The following FREM2 variants were observed in gnomAD, a reference collection of about 807,000 sequenced individuals.
The protein encoded by FREM2 is FRAS1-related extracellular matrix protein 2.
A neutral mutation model predicts 219.9 loss-of-function variants in FREM2; 119 were observed. The ratio of observed to expected loss-of-function variants is 0.54; its 90% confidence interval spans 0.47 to 0.63. The LOEUF (loss-of-function observed/expected upper bound fraction) is 0.63, where lower values mean the gene tolerates loss of function less well. Ranked by LOEUF, FREM2 falls within the 30% of genes least tolerant of loss-of-function variation. The pLI, the probability that FREM2 is intolerant of heterozygous loss-of-function variation, is 0.00. For synonymous variants in FREM2, 1,562 were observed against 1,522.8 expected, an observed-to-expected ratio of 1.03 and a Z score of -0.60; for missense variants, 4,030 against 3,993.6, an observed-to-expected ratio of 1.01 and a Z score of -0.25.
In FREM2 at chr13:38,809,129, G is replaced by A. The variant is rs987532232; in HGVS notation, c.6019+24321G>A. Among the ~76,000 whole-genome samples the A allele has an allele frequency of 7.3e-5, 11 of 150,622 alleles. No individual in the cohort carries two copies. In the East Asian group the frequency reaches 2.3e-3, roughly 31 times the overall value. Reference sequence around the variant, plus strand: ...TTTGACGGATTATCTTAAAAGCCTTGTCTTCAAGTTCAGAAATTCTTCTGC... The same window carrying A: ...TTTGACGGATTATCTTAAAAGCCTTATCTTCAAGTTCAGAAATTCTTCTGC... On this transcript the variant is annotated intron_variant, in intron 6 of 23. Coordinates refer to ENST00000280481, the MANE Select transcript of FREM2 (RefSeq NM_207361.6).
intron 2 of FREM2, among the ~76,000 whole-genome samples, chr13:38,739,172 A>AATC (rs749025603): frequency 1.8e-4 from 27 of 152,262 alleles, no homozygotes; most frequent in Non-Finnish European, 3.2e-4. Context: ...TCATTGTCAT[A>AATC]ATCATCATCA....
chr13:38,828,328 A>G (rs1005107818), intron 6 of FREM2, among the ~76,000 whole-genome samples: 94 of 152,324 alleles, frequency 6.2e-4, no homozygotes, highest in African/African-American at 2.2e-3. Context: ...AGAACAGTTC[A>G]GGTACACTGA....
At position 38,688,167 on chromosome 13, in the gene FREM2, C is replaced by T; in HGVS notation, c.823C>T (p.Pro275Ser). 6.2e-7 allele frequency: 1 copy of T among 1,613,624 alleles called. No homozygotes were observed. Among genetic ancestry groups the T allele is most frequent in the Non-Finnish European group, 8.5e-7 (1 of 1,179,852 alleles). Reference sequence around the variant, plus strand: ...TCGCCACACAGCCGCCAGTCGCTCACCAAACAGGGACTGGATACCCATGGT... The same window carrying T: ...TCGCCACACAGCCGCCAGTCGCTCATCAAACAGGGACTGGATACCCATGGT... ...RYRHTAASRS[P>S]NRDWIPMVVE... The change falls in exon 1 of 24, where the codon CCA (proline) becomes TCA (serine). Residue 275 changes from proline to serine, a missense_variant. By Grantham distance (74) the Pro-to-Ser change is moderately conservative. Coordinates refer to ENST00000280481, the MANE Select transcript of FREM2 (RefSeq NM_207361.6).
rs369620140 is a variant in FREM2 at position 38,689,523 on chromosome 13, C to T, written c.2179C>T (p.Arg727Cys). 1.8e-5 allele frequency: 29 copies of T among 1,613,826 alleles called. No individual in the cohort carries two copies. Among genetic ancestry groups the T allele is most frequent in the African/African-American group, 6.7e-5 (5 of 74,870 alleles). The change falls in exon 1 of 24, where the codon CGC (arginine) becomes TGC (cysteine). Residue 727 changes from arginine to cysteine, a missense_variant. Arg to Cys is a radical substitution (Grantham distance 180). Around this residue, in one of 2 missense-constraint regions of FREM2, gnomAD observed 3,102 missense variants for 2,950.7 expected, o/e 1.05. Coordinates refer to ENST00000280481, the MANE Select transcript of FREM2 (RefSeq NM_207361.6). ...CACACCACTGAGGAAGAAGTGGCTG[C>T]GCTACACTGACCTGGACACAGATGA... The part of the protein sequence containing the change: ...QLTPLRKKWL[R>C]YTDLDTDDRE...
intron 2 of FREM2, among the ~76,000 whole-genome samples, chr13:38,757,979 G>A (rs924219657): frequency 1.3e-5 from 2 of 152,176 alleles, no homozygotes; most frequent in African/African-American, 4.8e-5. Context: ...GAAATGGTGA[G>A]GAGGGAGTGT....
intron 2 of FREM2, among the ~76,000 whole-genome samples, chr13:38,764,093 G>A (rs1383116083): frequency 6.6e-6 from 1 of 152,128 alleles, no homozygotes; most frequent in Non-Finnish European, 1.5e-5. Flanking sequence ...AAACAGCAAG[G>A]AATTTGTGAA....
chr13:38,769,281 A>T (rs1338841832), intron 3 of FREM2, among the ~76,000 whole-genome samples: 2 of 152,224 alleles, frequency 1.3e-5, no homozygotes, highest in Non-Finnish European at 2.9e-5. Flanking sequence ...GATATTGAAC[A>T]ATGTGAATAT....
At chr13:38,737,737 G>T (rs1048342218) in intron 2 of FREM2, among the ~76,000 whole-genome samples, 5 of 152,226 alleles carry the variant, frequency 3.3e-5, no homozygotes, top group African/African-American at 1.2e-4. Flanking sequence ...TAAGTGAAGG[G>T]TTGGTGTGGA....
At chr13:38,813,186 A>G (rs1038342485) in intron 6 of FREM2, among the ~76,000 whole-genome samples, 1 of 151,920 alleles carries the variant, frequency 6.6e-6, no homozygotes, top group Non-Finnish European at 1.5e-5. Context: ...CTTCTTGCTC[A>G]TTAACATCCT....
rs201083591 is a variant in FREM2 at position 38,878,853 on chromosome 13, A to G, written c.8882A>G (p.Gln2961Arg). The G allele has an allele frequency of 6.6e-5, 107 of 1,614,084 alleles. No individual in the cohort carries two copies. The highest frequency in any genetic ancestry group is 8.5e-5 in the Non-Finnish European group (100 of 1,180,016). The change falls in exon 23 of 24, where the codon CAA (glutamine) becomes CGA (arginine). Residue 2961 changes from glutamine to arginine, a missense_variant. Gln to Arg is a conservative substitution (Grantham distance 43, BLOSUM62 1). Around this residue, in one of 2 missense-constraint regions of FREM2, gnomAD observed 928 missense variants for 1,042.9 expected, o/e 0.89. Coordinates refer to ENST00000280481, the MANE Select transcript of FREM2 (RefSeq NM_207361.6). ...KIVDKAQPET[Q>R]ATSFGNVLFN... is the part of the protein sequence containing the mutation. ...AAGGACAAAGCTCAGCCAGAGACAC[A>G]AGCGACCAGTTTTGGAAATGTCCTA...
chr13:38,788,625 C>T (rs754542239), intron 6 of FREM2, among the ~76,000 whole-genome samples: 3 of 152,118 alleles, frequency 2.0e-5, no homozygotes, highest in Non-Finnish European at 4.4e-5. Context: ...TTTTCATTCA[C>T]TTATCACAGT....
intron 6 of FREM2, among the ~76,000 whole-genome samples, chr13:38,808,178 C>G (rs1277606629): frequency 6.6e-6 from 1 of 151,964 alleles, no homozygotes; most frequent in Non-Finnish European, 1.5e-5. Context: ...TCTTCTGAAG[C>G]TTCCTCGCCC....
Position 38,860,466 on chromosome 13 carries a change from C to T in FREM2, c.7519+876C>T, listed in dbSNP as rs185972624. Among the ~76,000 whole-genome samples, 29 of 152,120 alleles carry T rather than the reference C, an allele frequency of 1.9e-4. 1 individual carries two copies. Among genetic ancestry groups the T allele is most frequent in the African/African-American group, 6.3e-4 (26 of 41,500 alleles). On this transcript the variant is annotated intron_variant, in intron 14 of 23. Coordinates refer to ENST00000280481, the MANE Select transcript of FREM2 (RefSeq NM_207361.6). ...ATTTCTAAATCATCTATTTGCACACCGCATTCAAAAGTAAATTTACTGCAT... is the reference window on the plus strand; with the variant it reads ...ATTTCTAAATCATCTATTTGCACACTGCATTCAAAAGTAAATTTACTGCAT...
intron 16 of FREM2, among the ~76,000 whole-genome samples, chr13:38,869,453 T>C (rs1390540784): frequency 6.6e-6 from 1 of 152,180 alleles, no homozygotes; most frequent in Non-Finnish European, 1.5e-5. Flanking sequence ...CATGAACACC[T>C]ACTCTGTGCC....
At chr13:38,809,124 G>A (rs1297172346) in intron 6 of FREM2, among the ~76,000 whole-genome samples, 2 of 150,666 alleles carry the variant, frequency 1.3e-5, no homozygotes, top group Non-Finnish European at 3.0e-5. Flanking sequence ...TATCTTAAAA[G>A]CCTTGTCTTC....
chr13:38,773,464 T>C (rs559261578), intron 4 of FREM2, among the ~76,000 whole-genome samples: 1 of 152,278 alleles, frequency 6.6e-6, no homozygotes, highest in African/African-American at 2.4e-5. Context: ...TATCATAGCT[T>C]GCTGCATCCC....
Position 38,851,079 on chromosome 13 carries a change from C to T in FREM2, c.6713C>T (p.Thr2238Ile). 6.2e-7 allele frequency: 1 copy of T among 1,613,936 alleles called. No homozygotes were observed. Among genetic ancestry groups the T allele is most frequent in the Non-Finnish European group, 8.5e-7 (1 of 1,179,960 alleles). The change falls in exon 10 of 24, where the codon ACT (threonine) becomes ATT (isoleucine). Residue 2238 changes from threonine (T) to isoleucine (I), a missense_variant. Coordinates refer to ENST00000280481, the MANE Select transcript of FREM2 (RefSeq NM_207361.6). Reference sequence around the variant, plus strand: ...GCTGCAGTTGGTGAACAAAATGAAACTCTCATAAGGATCCGAGATGATGCT... The same window carrying T: ...GCTGCAGTTGGTGAACAAAATGAAATTCTCATAAGGATCCGAGATGATGCT... ...FGAAVGEQNE[T>I]LIRIRDDADK...
intron 2 of FREM2, among the ~76,000 whole-genome samples, chr13:38,726,447 C>G (rs1210602211): frequency 6.6e-6 from 1 of 152,106 alleles, no homozygotes; most frequent in Non-Finnish European, 1.5e-5. Context: ...AGCAGTTCCC[C>G]TTGAGTCAGC....
chr13:38,774,750 A>G (rs190986813), intron 4 of FREM2, among the ~76,000 whole-genome samples: 450 of 152,338 alleles, frequency 3.0e-3, no homozygotes, highest in African/African-American at 0.01. Context: ...ATTTCTAGCC[A>G]GAGTAAATGG....
Sources: allele counts gnomAD v4.1 joint callset (sites outside exome capture counted in the v4.1 genomes callset), GRCh38; gene constraint gnomAD v4.1.1; regional missense constraint gnomAD v4.1.1; transcripts MANE v1.5; gene names NCBI Gene and HGNC (gene_info 2026-07-23, HGNC 2026-07-21).